CAMK4: variants seen among roughly 807,000 people sequenced by gnomAD.
The protein encoded by CAMK4 is calcium/calmodulin dependent protein kinase IV.
Under a neutral mutation model 44.9 loss-of-function variants are expected in CAMK4, and 22 were observed. That is an observed-to-expected ratio of 0.49 (90% CI 0.35 to 0.70). The LOEUF is 0.70. CAMK4 is among the 30% of genes least tolerant of loss of function. CAMK4 has a pLI of 0.01. For missense variants in CAMK4, 498 were observed against 586.8 expected (o/e 0.85, Z 1.56); for synonymous variants, 218 against 215.4 (o/e 1.01, Z -0.11).
chr5:111,453,322 A>T (rs1331670391), intron 7 of CAMK4, among the ~76,000 whole-genome samples: 6 of 152,232 alleles, frequency 3.9e-5, no homozygotes, highest in Non-Finnish European at 8.8e-5. Context: ...ATTAAATACA[A>T]ATTTTAATCT....
intron 1 of CAMK4, among the ~76,000 whole-genome samples, chr5:111,303,905 A>C (rs1747842228): frequency 7.6e-6 from 1 of 131,752 alleles, no homozygotes; most frequent in Non-Finnish European, 1.5e-5. Context: ...TCTCGGCAGA[A>C]ACCCTACAAG....
intron 4 of CAMK4, among the ~76,000 whole-genome samples, chr5:111,392,597 A>T (rs1246185633): frequency 6.6e-6 from 1 of 152,170 alleles, no homozygotes; most frequent in Non-Finnish European, 1.5e-5. Flanking sequence ...AAAAAAAATT[A>T]AAATTAAAGA....
At chr5:111,242,451 CTGTG>C (rs1021021382) in intron 1 of CAMK4, among the ~76,000 whole-genome samples, 1 of 152,180 alleles carries the variant, frequency 6.6e-6, no homozygotes, top group Non-Finnish European at 1.5e-5. Flanking sequence ...GTTCCCTCCT[CTGTG>C]TGGCCACTGA....
intron 4 of CAMK4, among the ~76,000 whole-genome samples, chr5:111,386,400 T>C (rs944587119): frequency 6.6e-6 from 1 of 152,222 alleles, no homozygotes; most frequent in Non-Finnish European, 1.5e-5. Context: ...CCTAGTCATC[T>C]ACAGTTATTA....
chr5:111,279,549 T>G (rs1333330511), intron 1 of CAMK4, among the ~76,000 whole-genome samples: 1 of 152,220 alleles, frequency 6.6e-6, no homozygotes, highest in Non-Finnish European at 1.5e-5. Flanking sequence ...AATTACTGAT[T>G]ATAGAACACA....
intron 7 of CAMK4, among the ~76,000 whole-genome samples, chr5:111,473,098 T>C (rs1052599233): frequency 2.6e-4 from 28 of 106,774 alleles, no homozygotes; most frequent in Admixed American, 2.5e-3. Context: ...TTAATAGTGT[T>C]ATTTTATGCA....
rs1370090145 is a variant in CAMK4 at position 111,492,058 on chromosome 5, A to G, written c.*7592A>G. On this transcript the variant is annotated 3_prime_UTR_variant, in exon 11 of 11. Coordinates refer to ENST00000282356, the MANE Select transcript of CAMK4 (RefSeq NM_001744.6). Reference sequence around the variant, plus strand: ...AAATGCTTTCGTTTGCTTTCCTTACATATTTAGAAATCCAAGAAGGGCCCT... The same window carrying G: ...AAATGCTTTCGTTTGCTTTCCTTACGTATTTAGAAATCCAAGAAGGGCCCT... 6.6e-6 allele frequency: 1 copy of G among 152,144 alleles called. No individual in the cohort carries two copies. The highest frequency in any genetic ancestry group is 2.4e-5 in the African/African-American group (1 of 41,428). The allele number at this position is 152,144 out of a possible 1,614,324, so 9.4% of individuals were successfully genotyped here. A position where few individuals can be genotyped will look rare whatever the true frequency, so the allele number is the denominator to read the frequency against.
At chr5:111,286,263 A>G (rs191229025) in intron 1 of CAMK4, among the ~76,000 whole-genome samples, 1 of 152,324 alleles carries the variant, frequency 6.6e-6, no homozygotes. Context: ...AAAGATGGAG[A>G]AATAGAGCTA....
Position 111,290,103 on chromosome 5 carries a change from A to G in CAMK4, c.162-53921A>G, listed in dbSNP as rs1751387538. ...TATCCCTAGGTTTCCAGACCTGTGC[A>G]TTCAAGGCCTGTCAAGTATCGTATA... On this transcript the variant is annotated intron_variant, in intron 1 of 10. Transcript: ENST00000282356. This position sits in a 1 kb window ranked among gnomAD's most constrained non-coding sequence, Gnocchi z 4.5. Among the ~76,000 whole-genome samples the G allele has an allele frequency of 6.6e-6, 1 of 152,160 alleles. No individual in the cohort carries two copies. The highest frequency in any genetic ancestry group is 2.1e-4 in the South Asian group (1 of 4,818).
intron 5 of CAMK4, among the ~76,000 whole-genome samples, chr5:111,443,592 G>T (rs575783574): frequency 3.3e-5 from 5 of 151,608 alleles, no homozygotes; most frequent in Admixed American, 2.0e-4. Flanking sequence ...AGTGCCAAAT[G>T]ATGTTTTCTT....
At chr5:111,258,738 AGC>A (rs1266825316) in intron 1 of CAMK4, among the ~76,000 whole-genome samples, 4 of 104,930 alleles carry the variant, frequency 3.8e-5, no homozygotes, top group Admixed American at 2.0e-4. Context: ...CAGAGTTATC[AGC>A]GTGTGTGTGT....
In CAMK4 at chr5:111,395,211, C is replaced by CA. The variant is rs1175802762; in HGVS notation, c.459+445dup. On this transcript the variant is annotated intron_variant, in intron 5 of 10. Transcript: ENST00000282356. The stretch of plus-strand genomic sequence containing the variant: ...GACGAGAGAGAGAGAGACCCTGTCT[C>CA]AAAAAAAAAAAAAAAAGAAAAAAAA... 7.7e-3 allele frequency among the ~76,000 whole-genome samples: 697 copies of CA among 89,950 alleles called. 6 individuals are homozygous for CA. The highest frequency in any genetic ancestry group is 0.02 in the African/African-American group (538 of 27,028). The allele number at this position is 89,950 out of a possible 152,430, so 59.0% of individuals were successfully genotyped here. A position where few individuals can be genotyped will look rare whatever the true frequency, so the allele number is the denominator to read the frequency against.
In CAMK4 at chr5:111,290,332, C is replaced by T. The variant is rs193002600; in HGVS notation, c.162-53692C>T. ...AACATTTTTGCATCTTCTTGTCATA[C>T]ATTAATCCCTAGCCAGAGATTAGAG... On this transcript the variant is annotated intron_variant, in intron 1 of 10. Transcript: ENST00000282356. The surrounding 1 kb of genome is among the most constrained non-coding windows in gnomAD (Gnocchi z 4.5). Among the ~76,000 whole-genome samples, 1 of 152,276 alleles carries T rather than the reference C, an allele frequency of 6.6e-6. No homozygotes were observed. Among genetic ancestry groups the T allele is most frequent in the African/African-American group, 2.4e-5 (1 of 41,548 alleles).
intron 1 of CAMK4, among the ~76,000 whole-genome samples, chr5:111,335,153 G>C (rs1320684748): frequency 6.6e-6 from 1 of 151,488 alleles, no homozygotes; most frequent in Non-Finnish European, 1.5e-5. Flanking sequence ...TTGTAGACTT[G>C]ATGGCAAGGG....
At chr5:111,274,714 T>G (rs922590366) in intron 1 of CAMK4, among the ~76,000 whole-genome samples, 3 of 152,186 alleles carry the variant, frequency 2.0e-5, no homozygotes, top group Non-Finnish European at 2.9e-5. Flanking sequence ...GGAGTACCCA[T>G]TTCCTTACAT....
chr5:111,265,197 T>G (rs1454476317), intron 1 of CAMK4, among the ~76,000 whole-genome samples: 1 of 152,206 alleles, frequency 6.6e-6, no homozygotes, highest in East Asian at 1.9e-4. Context: ...CCTGAAACAC[T>G]GATATGCTTC....
intron 5 of CAMK4, among the ~76,000 whole-genome samples, chr5:111,422,865 T>G (rs1753081254): frequency 2.0e-5 from 3 of 152,174 alleles, no homozygotes; most frequent in African/African-American, 7.2e-5. Flanking sequence ...GCACTTACCA[T>G]GCTATATTAT....
intron 1 of CAMK4, among the ~76,000 whole-genome samples, chr5:111,332,341 GT>G (rs1749206141): frequency 6.9e-6 from 1 of 144,536 alleles, no homozygotes; most frequent in African/African-American, 2.6e-5. Context: ...TTGGTTTTTT[GT>G]CCTTGCGATA....
chr5:111,404,159 T>G (rs1752333255), intron 5 of CAMK4, among the ~76,000 whole-genome samples: 1 of 152,174 alleles, frequency 6.6e-6, no homozygotes, highest in South Asian at 2.1e-4. Flanking sequence ...GTAGGAGTTA[T>G]GAATATTGAT....
Sources: allele counts gnomAD v4.1 joint callset (sites outside exome capture counted in the v4.1 genomes callset), GRCh38; gene constraint gnomAD v4.1.1; non-coding constraint Gnocchi (gnomAD v3.1); transcripts MANE v1.5; gene names NCBI Gene and HGNC (gene_info 2026-07-23, HGNC 2026-07-21).